The following EXOC4 variants were observed in gnomAD, a reference collection of about 807,000 sequenced individuals.
The protein encoded by EXOC4 is SEC8-like 1.
A neutral mutation model predicts 107.2 loss-of-function variants in EXOC4; 71 were observed. That is an observed-to-expected ratio of 0.66 (90% confidence interval 0.55 to 0.81). EXOC4 has a LOEUF of 0.81. EXOC4 is among the 30% of genes least tolerant of loss of function. The pLI is 0.00. For missense variants in EXOC4, 1,108 were observed against 1,189.6 expected (o/e 0.93, Z 1.01); for synonymous variants, 456 against 441.2 (o/e 1.03, Z -0.42).
intron 9 of EXOC4, among the ~76,000 whole-genome samples, chr7:133,595,886 C>T (rs1801657699): frequency 6.6e-6 from 1 of 152,066 alleles, no homozygotes; most frequent in East Asian, 1.9e-4. Flanking sequence ...CTGTATCTAC[C>T]CACCTTGCCT....
At chr7:134,095,577 A>G in the EXOC4 span, among the ~76,000 whole-genome samples, 1 of 152,188 alleles carries the variant, frequency 6.6e-6, no homozygotes, top group African/African-American at 2.4e-5. Context: ...ATTATACTAT[A>G]AGGCTGCGGT....
At chr7:133,673,272 G>C (rs1206439553) in intron 10 of EXOC4, among the ~76,000 whole-genome samples, 2 of 152,210 alleles carry the variant, frequency 1.3e-5, no homozygotes, top group African/African-American at 4.8e-5. Context: ...GCTAGCATCT[G>C]TATGTATACT....
At chr7:133,344,822 T>G (rs555475186) in intron 5 of EXOC4, among the ~76,000 whole-genome samples, 1 of 152,304 alleles carries the variant, frequency 6.6e-6, no homozygotes, top group East Asian at 1.9e-4. Context: ...CCTTCTCTCT[T>G]TGTTATAGTT....
At chr7:133,360,853 A>G (rs1463886985) in intron 6 of EXOC4, among the ~76,000 whole-genome samples, 1 of 152,248 alleles carries the variant, frequency 6.6e-6, no homozygotes, top group Admixed American at 6.5e-5. Context: ...GAATGTTCAT[A>G]AAACTAAATT....
intron 9 of EXOC4, among the ~76,000 whole-genome samples, chr7:133,627,513 C>T (rs1009635962): frequency 2.0e-5 from 3 of 151,946 alleles, no homozygotes; most frequent in Non-Finnish European, 2.9e-5. Context: ...TTTATCTGTT[C>T]CTGAAGTGTG....
At position 133,910,559 on chromosome 7, in the gene EXOC4, A is replaced by G. The variant is rs142969558; in HGVS notation, c.1872-7024A>G. Among the ~76,000 whole-genome samples the G allele has an allele frequency of 2.4e-3, 365 of 151,988 alleles. 5 individuals carry two copies. The highest frequency in any genetic ancestry group is 8.2e-3 in the African/African-American group (341 of 41,452). On this transcript the variant is annotated intron_variant, in intron 12 of 17. Transcript: ENST00000253861. ...TCTGATGTTTCTTTCCTCTTTTCCT[A>G]TGTGTGTTGCTCCATCTTAACTGAC...
At position 133,296,604 on chromosome 7, in the gene EXOC4, A is replaced by T. The variant is rs1794524356; in HGVS notation, c.471+7488A>T. Among the ~76,000 whole-genome samples the T allele has an allele frequency of 3.3e-5, 5 of 152,186 alleles. No individual in the cohort carries two copies. The South Asian group carries it at 1.0e-3, about 32-fold the overall frequency. Reference sequence around the variant, plus strand: ...TGGTAGCTGTTTTTCATGCTGCTCAAGGCCCTTTTTATTTATATTTGTTTT... The same window carrying T: ...TGGTAGCTGTTTTTCATGCTGCTCATGGCCCTTTTTATTTATATTTGTTTT... On this transcript the variant is annotated intron_variant, in intron 3 of 17. Transcript: ENST00000253861.
rs548219433 is a variant in EXOC4 at position 133,706,799 on chromosome 7, G to A, written c.1514+76658G>A. 2.6e-5 allele frequency among the ~76,000 whole-genome samples: 4 copies of A among 152,230 alleles called. No individual in the cohort carries two copies. The East Asian group carries it at 7.7e-4, about 29-fold the overall frequency. On this transcript the variant is annotated intron_variant, in intron 10 of 17. Coordinates refer to ENST00000253861, the MANE Select transcript of EXOC4 (RefSeq NM_021807.4). Reference sequence around the variant, plus strand: ...TATGAGTGGAGCAAGGGGAAAAGGTGGAGAGGGAAGAGTACCTGTCTCTCT... The same window carrying A: ...TATGAGTGGAGCAAGGGGAAAAGGTAGAGAGGGAAGAGTACCTGTCTCTCT...
At chr7:133,378,389 T>A (rs1796537772) in intron 7 of EXOC4, among the ~76,000 whole-genome samples, 2 of 141,722 alleles carry the variant, frequency 1.4e-5, no homozygotes, top group African/African-American at 2.6e-5. Flanking sequence ...AAAAAGTAAA[T>A]AGGGCCAGAA....
chr7:133,535,669 T>C (rs1800258107), intron 9 of EXOC4, among the ~76,000 whole-genome samples: 1 of 152,210 alleles, frequency 6.6e-6, no homozygotes, highest in Non-Finnish European at 1.5e-5. Context: ...ATCAACTCTT[T>C]TATATGATTA....
At chr7:133,566,472 T>G (rs1295613142) in intron 9 of EXOC4, among the ~76,000 whole-genome samples, 1 of 152,222 alleles carries the variant, frequency 6.6e-6, no homozygotes, top group African/African-American at 2.4e-5. Flanking sequence ...TAAAATAGGA[T>G]TAGGATTAAT....
chr7:133,322,233 A>G (rs1003340846), intron 5 of EXOC4, among the ~76,000 whole-genome samples: 2 of 151,944 alleles, frequency 1.3e-5, no homozygotes, highest in Admixed American at 6.5e-5. Flanking sequence ...ATTAGATCCC[A>G]TTTGTCAATT....
chr7:133,737,457 A>G (rs1489957885), intron 10 of EXOC4, among the ~76,000 whole-genome samples: 3 of 150,248 alleles, frequency 2.0e-5, no homozygotes, highest in African/African-American at 7.4e-5. Flanking sequence ...GAAGCTTATT[A>G]ATTTTTTTTC....
intron 10 of EXOC4, among the ~76,000 whole-genome samples, chr7:133,668,437 G>A (rs543838666): frequency 6.6e-6 from 1 of 152,278 alleles, no homozygotes; most frequent in African/African-American, 2.4e-5. Context: ...TCATACATCT[G>A]ATTCACTTGT....
chr7:133,549,727 T>C (rs939428010), intron 9 of EXOC4, among the ~76,000 whole-genome samples: 24 of 152,144 alleles, frequency 1.6e-4, no homozygotes, highest in Admixed American at 1.4e-3. Context: ...CAAAGCATAC[T>C]TCAAAAAACA....
At chr7:134,007,324 T>C (rs1794664798) in intron 16 of EXOC4, among the ~76,000 whole-genome samples, 2 of 152,128 alleles carry the variant, frequency 1.3e-5, no homozygotes, top group Non-Finnish European at 1.5e-5. Context: ...GCTTCCCAAT[T>C]GTGTATAAAG....
intron 17 of EXOC4, among the ~76,000 whole-genome samples, chr7:134,010,736 G>A (rs1326898369): frequency 6.6e-6 from 1 of 152,158 alleles, no homozygotes; most frequent in African/African-American, 2.4e-5. Flanking sequence ...TAGTTGCCGT[G>A]TGTCAGAAAA....
intron 10 of EXOC4, among the ~76,000 whole-genome samples, chr7:133,705,135 C>T (rs532586340): frequency 5.4e-4 from 82 of 152,154 alleles, no homozygotes; most frequent in African/African-American, 1.9e-3. Flanking sequence ...AGGCTGAGGC[C>T]AGTGGATCAC....
chr7:133,930,736 A>G (rs544365075), intron 13 of EXOC4: 1 of 151,496 alleles, frequency 6.6e-6, no homozygotes, highest in Non-Finnish European at 1.5e-5. Flanking sequence ...CTTATTGGCT[A>G]TTTTTTTCTT....
Sources: allele counts gnomAD v4.1 joint callset (sites outside exome capture counted in the v4.1 genomes callset), GRCh38; gene constraint gnomAD v4.1.1; transcripts MANE v1.5; gene names NCBI Gene and HGNC (gene_info 2026-07-23, HGNC 2026-07-21).